The following AGTR1 variants were observed in gnomAD, a reference collection of about 807,000 sequenced individuals.
The protein encoded by AGTR1 is angiotensin II receptor type 1, also known as type-1 angiotensin II receptor.
Under a neutral mutation model 19.4 loss-of-function variants are expected in AGTR1, and 16 were observed. The ratio of observed to expected loss-of-function variants is 0.82; its 90% CI spans 0.56 to 1.25. AGTR1 has a LOEUF of 1.25. AGTR1 is among the 50% of genes most tolerant of loss of function. AGTR1 has a pLI of 0.00. For synonymous variants in AGTR1, 153 were observed against 154.9 expected (o/e 0.99, Z 0.09); for missense variants, 373 against 431.9 (o/e 0.86, Z 1.21).
intron 1 of AGTR1, among the ~76,000 whole-genome samples, chr3:148,704,434 G>A (rs1712553190): frequency 6.6e-6 from 1 of 151,832 alleles, no homozygotes; most frequent in African/African-American, 2.4e-5. Context: ...AAAATTTTCT[G>A]TTTACTTTTT....
chr3:148,710,251 A>G (rs1373074150), intron 2 of AGTR1, among the ~76,000 whole-genome samples: 3 of 152,158 alleles, frequency 2.0e-5, no homozygotes, highest in African/African-American at 7.2e-5. Context: ...TGATTTCCTC[A>G]GTGTTAGATT....
At chr3:148,717,966 T>C (rs3772622) in intron 2 of AGTR1, among the ~76,000 whole-genome samples, 52,272 of 152,080 alleles carry the variant, frequency 0.34, 10,848 homozygotes, top group Non-Finnish European at 0.45. Context: ...AGGATTGGGA[T>C]GAGTTATTTT....
Position 148,716,087 on chromosome 3 carries a change from G to A in AGTR1, c.-48+8060G>A, listed in dbSNP as rs957205765. 1.3e-5 allele frequency among the ~76,000 whole-genome samples: 2 copies of A among 152,130 alleles called. No individual in the cohort carries two copies. The highest frequency in any genetic ancestry group is 4.8e-5 in the African/African-American group (2 of 41,424). On this transcript the variant is annotated intron_variant, in intron 2 of 2. Coordinates refer to ENST00000349243, the MANE Select transcript of AGTR1 (RefSeq NM_000685.5). This position sits in a 1 kb window ranked among gnomAD's most constrained non-coding sequence, Gnocchi z 4.7. ...TTTTTAGCAAATTAAACTGAATTGT[G>A]TTCAGAGATCCACAGGTCTAAGCAA... is the stretch of plus-strand genomic sequence containing the variant.
chr3:148,703,843 A>G (rs1559921470), intron 1 of AGTR1, among the ~76,000 whole-genome samples: 1 of 152,136 alleles, frequency 6.6e-6, no homozygotes, highest in Non-Finnish European at 1.5e-5. Flanking sequence ...TAAAAAAAGC[A>G]AACAAGATCT....
At chr3:148,717,829 T>C (rs989321943) in intron 2 of AGTR1, among the ~76,000 whole-genome samples, 1 of 152,202 alleles carries the variant, frequency 6.6e-6, no homozygotes, top group Non-Finnish European at 1.5e-5. Context: ...TGCTGTAGAA[T>C]TGATCATTTT....
At chr3:148,709,667 A>G (rs1025103487) in intron 2 of AGTR1, among the ~76,000 whole-genome samples, 2 of 152,266 alleles carry the variant, frequency 1.3e-5, no homozygotes, top group South Asian at 2.1e-4. Flanking sequence ...CCCTATCTCA[A>G]TCTGTGGGCA....
Position 148,742,021 on chromosome 3 carries a change from ACCTTT to A in AGTR1, c.988_992del (p.Leu330AsnfsTer13). 6.2e-7 allele frequency: 1 copy of A among 1,613,876 alleles called. No homozygotes were observed. The highest frequency in any genetic ancestry group is 8.5e-7 in the Non-Finnish European group (1 of 1,179,960). On this transcript the variant is annotated frameshift_variant, in exon 3 of 3. Coordinates refer to ENST00000349243, the MANE Select transcript of AGTR1 (RefSeq NM_000685.5). LOFTEE classifies it high-confidence loss of function. ...CCCCCAAAAGCCAAATCCCACTCAA[ACCTTT>A]CAACAAAAATGAGCACGCTTTCCTA...
chr3:148,731,912 C>T (rs1714278208), intron 2 of AGTR1, among the ~76,000 whole-genome samples: 1 of 151,922 alleles, frequency 6.6e-6, no homozygotes, highest in Non-Finnish European at 1.5e-5. Flanking sequence ...TAAATATGAC[C>T]CTTATAGCTT....
intron 2 of AGTR1, among the ~76,000 whole-genome samples, chr3:148,728,834 G>A (rs1714096032): frequency 6.6e-6 from 1 of 152,236 alleles, no homozygotes; most frequent in African/African-American, 2.4e-5. Flanking sequence ...CAACTGGGCT[G>A]AAGAAGTTCA....
intron 2 of AGTR1, among the ~76,000 whole-genome samples, chr3:148,724,404 C>T (rs963350542): frequency 1.3e-5 from 2 of 152,140 alleles, no homozygotes; most frequent in Non-Finnish European, 2.9e-5. Context: ...TCTTATGAAT[C>T]TCTGACTTAC....
At chr3:148,706,893 AT>A (rs1203508467) in intron 1 of AGTR1, among the ~76,000 whole-genome samples, 1 of 152,086 alleles carries the variant, frequency 6.6e-6, no homozygotes, top group Admixed American at 6.6e-5. Flanking sequence ...CATTTTATGA[AT>A]ATCTATCAAA....
intron 2 of AGTR1, among the ~76,000 whole-genome samples, chr3:148,715,074 A>G (rs1713215081): frequency 6.6e-6 from 1 of 152,198 alleles, no homozygotes; most frequent in African/African-American, 2.4e-5. Flanking sequence ...AAAATTATAT[A>G]TTTGGGATTG....
Position 148,716,462 on chromosome 3 carries a change from T to G in AGTR1, c.-48+8435T>G, listed in dbSNP as rs752311203. Among the ~76,000 whole-genome samples the G allele has an allele frequency of 2.0e-5, 3 of 152,108 alleles. No homozygotes were observed. Among genetic ancestry groups the G allele is most frequent in the Non-Finnish European group, 4.4e-5 (3 of 68,014 alleles). On this transcript the variant is annotated intron_variant, in intron 2 of 2. Transcript: ENST00000349243. The surrounding 1 kb of genome is among the most constrained non-coding windows in gnomAD (Gnocchi z 4.7). ...GTTATTTATTTATAACTAGTGCAAATACAGTTATTTATTTATAACTATACA... is the reference window on the plus strand; with the variant it reads ...GTTATTTATTTATAACTAGTGCAAAGACAGTTATTTATTTATAACTATACA...
chr3:148,710,729 TA>T (rs1459533610), intron 2 of AGTR1, among the ~76,000 whole-genome samples: 2 of 152,200 alleles, frequency 1.3e-5, no homozygotes, highest in East Asian at 3.9e-4. Flanking sequence ...ATGTCACTGA[TA>T]AGGTTTGGAT....
At position 148,741,032 on chromosome 3, in the gene AGTR1, CA is replaced by C. The variant is rs2107973794; in HGVS notation, c.1del. On this transcript the variant is annotated 5_prime_UTR_variant, in exon 3 of 3. Transcript: ENST00000349243. ...TTGCAACAAATTCGACCCAGGTGAT[CA>C]AAATGATTCTCAACTCTTCTACTGA... 5.0e-6 allele frequency: 8 copies of C among 1,613,686 alleles called. No homozygotes were observed. Among genetic ancestry groups the C allele is most frequent in the Non-Finnish European group, 5.1e-6 (6 of 1,179,864 alleles).
At chr3:148,737,120 A>G (rs1714612308) in intron 2 of AGTR1, among the ~76,000 whole-genome samples, 1 of 152,166 alleles carries the variant, frequency 6.6e-6, no homozygotes, top group Non-Finnish European at 1.5e-5. Flanking sequence ...TTAGAAACAA[A>G]TTTCTCTAGG....
chr3:148,735,003 T>C (rs1286092131), intron 2 of AGTR1, among the ~76,000 whole-genome samples: 1 of 152,140 alleles, frequency 6.6e-6, no homozygotes, highest in Non-Finnish European at 1.5e-5. Context: ...GAATGCCAGA[T>C]CACAGCTCTG....
chr3:148,727,207 A>T (rs1442895384), intron 2 of AGTR1, among the ~76,000 whole-genome samples: 2 of 152,216 alleles, frequency 1.3e-5, no homozygotes, highest in Admixed American at 1.3e-4. Context: ...TCCAGAAAGT[A>T]ACATTTGTAA....
Position 148,741,695 on chromosome 3 carries a change from G to T in AGTR1, c.660G>T (p.Lys220Asn), listed in dbSNP as rs1482640130. The T allele has an allele frequency of 1.9e-6, 3 of 1,613,970 alleles. No homozygotes were observed. Among genetic ancestry groups the T allele is most frequent in the Non-Finnish European group, 2.5e-6 (3 of 1,179,906 alleles). The stretch of plus-strand genomic sequence containing the variant: ...TTACAAGTTATACTCTTATTTGGAA[G>T]GCCCTAAAGAAGGCTTATGAAATTC... ...IILTSYTLIW[K>N]ALKKAYEIQK... Residue 220 changes from lysine to asparagine, a missense_variant, in exon 3 of 3, where the codon AAG (lysine) becomes AAT (asparagine). By Grantham distance (94) the Lys-to-Asn change is moderately conservative. Coordinates refer to ENST00000349243, the MANE Select transcript of AGTR1 (RefSeq NM_000685.5).
Sources: gnomAD v4.1 joint callset for allele counts (sites outside exome capture counted in the v4.1 genomes callset) on GRCh38, gnomAD v4.1.1 for gene constraint, Gnocchi (gnomAD v3.1) non-coding constraint, MANE v1.5 for transcripts, NCBI Gene and HGNC (gene_info 2026-07-23, HGNC 2026-07-21) for gene names.